The following NLGN1 variants were observed in gnomAD, a reference collection of about 807,000 sequenced individuals.
The protein encoded by NLGN1 is neuroligin-1.
In NLGN1, 12 loss-of-function variants were observed where a neutral mutation model predicts 65.5. The observed-to-expected ratio is 0.18, with a 90% confidence interval of 0.12 to 0.30. NLGN1 has a LOEUF of 0.30. NLGN1 is among the 10% of genes least tolerant of loss of function. The pLI, the probability that NLGN1 is intolerant of heterozygous loss-of-function variation, is 1.00. For synonymous variants in NLGN1, 350 were observed against 359.5 expected (o/e 0.97, Z 0.30); for missense variants, 750 against 1,007.1 (o/e 0.74, Z 3.46).
intron 4 of NLGN1, among the ~76,000 whole-genome samples, chr3:174,243,335 G>A (rs1051630211): frequency 6.6e-6 from 1 of 152,116 alleles, no homozygotes; most frequent in African/African-American, 2.4e-5. Flanking sequence ...GGCTTGTTAG[G>A]CTCGTGGGTG....
intron 4 of NLGN1, among the ~76,000 whole-genome samples, chr3:174,054,430 A>G (rs1261321070): frequency 6.6e-6 from 1 of 152,086 alleles, no homozygotes; most frequent in Non-Finnish European, 1.5e-5. Flanking sequence ...TGAAAGAATA[A>G]TTCAATGAGT....
intron 3 of NLGN1, chr3:173,695,679 C>A: frequency 5.4e-6 from 1 of 184,082 alleles, no homozygotes. Flanking sequence ...CAGCTTTTTG[C>A]CAAACCAGTA....
At chr3:173,445,927 T>C (rs1019564103) in intron 2 of NLGN1, among the ~76,000 whole-genome samples, 9 of 152,188 alleles carry the variant, frequency 5.9e-5, no homozygotes, top group Non-Finnish European at 1.2e-4. Flanking sequence ...CTTCTCCACC[T>C]CTAACAGACA....
intron 4 of NLGN1, among the ~76,000 whole-genome samples, chr3:174,181,547 AC>A (rs1476315067): frequency 3.9e-5 from 6 of 152,114 alleles, no homozygotes; most frequent in Non-Finnish European, 8.8e-5. Flanking sequence ...AATATCAAAC[AC>A]CTGGAAGAGA....
At chr3:174,094,055 A>G (rs996873974) in intron 4 of NLGN1, among the ~76,000 whole-genome samples, 1 of 152,182 alleles carries the variant, frequency 6.6e-6, no homozygotes. Flanking sequence ...CCAAAAAAGT[A>G]AAAATCTATA....
At chr3:173,785,721 G>T (rs967704735) in intron 3 of NLGN1, among the ~76,000 whole-genome samples, 1 of 152,014 alleles carries the variant, frequency 6.6e-6, no homozygotes, top group Non-Finnish European at 1.5e-5. Context: ...CTATAAGAGT[G>T]TATGTATAAT....
At chr3:173,668,868 C>T (rs895574021) in intron 3 of NLGN1, among the ~76,000 whole-genome samples, 50 of 152,226 alleles carry the variant, frequency 3.3e-4, no homozygotes, top group African/African-American at 1.1e-3. Flanking sequence ...AAGTGATCCG[C>T]CCGCCTCGGC....
intron 3 of NLGN1, among the ~76,000 whole-genome samples, chr3:173,736,159 A>G (rs1323226282): frequency 6.6e-6 from 1 of 152,074 alleles, no homozygotes; most frequent in Non-Finnish European, 1.5e-5. Context: ...ATTCAGCTTG[A>G]TTCGTTTCTA....
intron 3 of NLGN1, among the ~76,000 whole-genome samples, chr3:173,764,747 C>G (rs918664948): frequency 1.3e-5 from 2 of 152,042 alleles, no homozygotes; most frequent in Non-Finnish European, 2.9e-5. Flanking sequence ...CTCAAAAACA[C>G]AATTTTCTGA....
At chr3:173,873,705 C>G (rs935154107) in intron 4 of NLGN1, among the ~76,000 whole-genome samples, 1 of 152,158 alleles carries the variant, frequency 6.6e-6, no homozygotes, top group Non-Finnish European at 1.5e-5. Flanking sequence ...AGCTTCTTCT[C>G]TTAATTGTCA....
rs73880354 is a variant in NLGN1 at position 174,125,351 on chromosome 3, A to C, written c.647-149964A>C. Among the ~76,000 whole-genome samples the C allele has an allele frequency of 6.5e-3, 995 of 152,262 alleles. 12 individuals carry two copies. Among genetic ancestry groups the C allele is most frequent in the African/African-American group, 0.022 (934 of 41,542 alleles). On this transcript the variant is annotated intron_variant, in intron 4 of 6. Transcript: ENST00000457714. ...TTGAGGTTTGATTTAAAATATATTT[A>C]AGAGGAAGTCATAAAAAGATTTCAT... is the stretch of plus-strand genomic sequence containing the variant.
At chr3:173,428,919 T>C (rs1716656265) in intron 1 of NLGN1, among the ~76,000 whole-genome samples, 1 of 152,178 alleles carries the variant, frequency 6.6e-6, no homozygotes, top group African/African-American at 2.4e-5. Flanking sequence ...TTTGCTGCTT[T>C]TACAATCCTC....
intron 2 of NLGN1, among the ~76,000 whole-genome samples, chr3:173,459,902 TTG>T (rs1322809188): frequency 2.6e-5 from 4 of 151,842 alleles, no homozygotes; most frequent in African/African-American, 9.7e-5. Context: ...TTATCAGGGG[TTG>T]TTAGGAATTT....
intron 4 of NLGN1, among the ~76,000 whole-genome samples, chr3:174,256,031 T>C (rs1745686287): frequency 6.6e-6 from 1 of 152,182 alleles, no homozygotes; most frequent in Non-Finnish European, 1.5e-5. Flanking sequence ...TGTATGTTAA[T>C]GTTCTCCCAT....
intron 2 of NLGN1, among the ~76,000 whole-genome samples, chr3:173,538,120 A>T (rs567617634): frequency 6.6e-6 from 1 of 152,338 alleles, no homozygotes; most frequent in South Asian, 2.1e-4. Context: ...AGTGACTGGT[A>T]CTACTTCTGT....
At chr3:174,097,749 G>A (rs1465979255) in intron 4 of NLGN1, among the ~76,000 whole-genome samples, 1 of 152,146 alleles carries the variant, frequency 6.6e-6, no homozygotes, top group Non-Finnish European at 1.5e-5. Context: ...TACTGAAATA[G>A]CTCCTGGAGT....
At chr3:173,598,665 T>G (rs1336563074) in intron 2 of NLGN1, among the ~76,000 whole-genome samples, 1 of 152,184 alleles carries the variant, frequency 6.6e-6, no homozygotes, top group Non-Finnish European at 1.5e-5. Flanking sequence ...CCTCATTTAC[T>G]CTGTCTTCTG....
At chr3:173,455,757 T>C (rs1216566083) in intron 2 of NLGN1, among the ~76,000 whole-genome samples, 1 of 152,142 alleles carries the variant, frequency 6.6e-6, no homozygotes, top group Admixed American at 6.6e-5. Flanking sequence ...TATATGTGTG[T>C]GTGTATATAT....
At chr3:174,127,454 A>G (rs1719179267) in intron 4 of NLGN1, among the ~76,000 whole-genome samples, 1 of 152,136 alleles carries the variant, frequency 6.6e-6, no homozygotes, top group Non-Finnish European at 1.5e-5. Flanking sequence ...TGACATAGTA[A>G]CAATAGCCCC....
Sources: gnomAD v4.1 joint callset for allele counts (sites outside exome capture counted in the v4.1 genomes callset) on GRCh38, gnomAD v4.1.1 for gene constraint, MANE v1.5 for transcripts, NCBI Gene and HGNC (gene_info 2026-07-23, HGNC 2026-07-21) for gene names.